Variants in STK39 observed in about 807,000 individuals in gnomAD.
The protein encoded by STK39 is serine/threonine kinase 39, also known as STE20/SPS1-related proline-alanine-rich protein kinase.
A neutral mutation model predicts 77.8 loss-of-function variants in STK39; 20 were observed. That is an observed-to-expected ratio of 0.26 (90% CI 0.18 to 0.37). STK39 has a LOEUF of 0.37. Ranked by LOEUF, STK39 falls within the 10% of genes least tolerant of loss-of-function variation. The pLI is 1.00. For missense variants in STK39, 479 were observed against 656.5 expected (o/e 0.73, Z 2.95); for synonymous variants, 246 against 234.1 (o/e 1.05, Z -0.47).
In STK39 at chr2:167,955,050, A is replaced by G. The variant is rs1399795927; in HGVS notation, c.*446T>C. On this transcript the variant is annotated 3_prime_UTR_variant, in exon 18 of 18. Coordinates refer to ENST00000355999, the MANE Select transcript of STK39 (RefSeq NM_013233.3). ...CTAAATACAACATAAAAGAGGCAGT[A>G]TTGTCAGATGTACAATTAAAGTATT... 1 of 153,370 alleles carries G rather than the reference A, an allele frequency of 6.5e-6. No homozygotes were observed. Among genetic ancestry groups the G allele is most frequent in the East Asian group, 1.9e-4 (1 of 5,206 alleles). 9.5% of individuals were successfully genotyped at this position (153,370 alleles called of 1,614,324 possible).
chr2:168,070,715 G>A (rs1049593808), intron 12 of STK39, among the ~76,000 whole-genome samples: 1 of 151,412 alleles, frequency 6.6e-6, no homozygotes, highest in Non-Finnish European at 1.5e-5. Context: ...CTGTCCTTGC[G>A]ATAGTTTGCT....
intron 14 of STK39, among the ~76,000 whole-genome samples, chr2:168,017,302 T>C (rs1684437183): frequency 6.6e-6 from 1 of 151,604 alleles, no homozygotes; most frequent in South Asian, 2.1e-4. Flanking sequence ...TTACCTTATA[T>C]AAACATGCTT....
intron 10 of STK39, among the ~76,000 whole-genome samples, chr2:168,078,011 C>T (rs1304183022): frequency 6.6e-6 from 1 of 151,812 alleles, no homozygotes; most frequent in Non-Finnish European, 1.5e-5. Context: ...TTACATTGCT[C>T]TTGTTCTACT....
intron 16 of STK39, among the ~76,000 whole-genome samples, chr2:167,991,105 A>G (rs377466644): frequency 2.6e-5 from 4 of 152,314 alleles, no homozygotes; most frequent in African/African-American, 7.2e-5. Context: ...AGATACAAAC[A>G]CTTTTCAAAG....
At chr2:168,090,141 A>G (rs1686478219) in intron 10 of STK39, among the ~76,000 whole-genome samples, 1 of 152,248 alleles carries the variant, frequency 6.6e-6, no homozygotes, top group Admixed American at 6.5e-5. Flanking sequence ...ATTTGCTACA[A>G]AATTCCAAAG....
chr2:168,001,899 T>C (rs1199898442), intron 16 of STK39, among the ~76,000 whole-genome samples: 1 of 152,268 alleles, frequency 6.6e-6, no homozygotes, highest in Non-Finnish European at 1.5e-5. Context: ...CTAGGTTTCC[T>C]GCACCAAAGT....
intron 14 of STK39, among the ~76,000 whole-genome samples, chr2:168,037,133 G>A (rs553549373): frequency 1.3e-5 from 2 of 152,148 alleles, no homozygotes; most frequent in African/African-American, 2.4e-5. Flanking sequence ...TTTATTGGGC[G>A]TGGAAACCCT....
chr2:168,235,384 G>T (rs924275441), intron 1 of STK39, among the ~76,000 whole-genome samples: 3 of 151,690 alleles, frequency 2.0e-5, no homozygotes, highest in African/African-American at 7.3e-5. Context: ...CACCAACAAG[G>T]AAACAATGTG....
intron 10 of STK39, chr2:168,112,853 C>T (rs1225127244): frequency 2.6e-5 from 4 of 152,196 alleles, no homozygotes; most frequent in Non-Finnish European, 5.9e-5. Context: ...TCATTCATCC[C>T]AGGCCTCATC....
At chr2:168,170,684 A>T (rs759500321) in intron 2 of STK39, among the ~76,000 whole-genome samples, 1 of 152,100 alleles carries the variant, frequency 6.6e-6, no homozygotes, top group South Asian at 2.1e-4. Flanking sequence ...AGGTTGGGGG[A>T]TGTGAGAGGA....
At chr2:168,093,748 C>G (rs140652864) in intron 10 of STK39, among the ~76,000 whole-genome samples, 2 of 152,310 alleles carry the variant, frequency 1.3e-5, no homozygotes, top group African/African-American at 4.8e-5. Context: ...CCACAACACA[C>G]TGCCACACTG....
At chr2:168,093,561 G>C (rs1686583251) in intron 10 of STK39, among the ~76,000 whole-genome samples, 1 of 152,208 alleles carries the variant, frequency 6.6e-6, no homozygotes, top group Non-Finnish European at 1.5e-5. Context: ...TTCAAGATGA[G>C]ATTTGGGTGG....
intron 1 of STK39, among the ~76,000 whole-genome samples, chr2:168,218,064 C>G (rs1690070670): frequency 6.6e-6 from 1 of 152,106 alleles, no homozygotes; most frequent in Non-Finnish European, 1.5e-5. Flanking sequence ...CTTTTAACAC[C>G]ATGTCATCAT....
At chr2:168,004,853 C>T (rs1684086584) in intron 16 of STK39, among the ~76,000 whole-genome samples, 2 of 151,946 alleles carry the variant, frequency 1.3e-5, no homozygotes, top group Non-Finnish European at 1.5e-5. Context: ...GCCCAAAAGA[C>T]AGCTGATGCT....
At chr2:167,967,413 C>T (rs1243631919) in intron 16 of STK39, among the ~76,000 whole-genome samples, 2 of 152,164 alleles carry the variant, frequency 1.3e-5, no homozygotes, top group Non-Finnish European at 2.9e-5. Context: ...CCGCCTGTCC[C>T]TACAGGGTAT....
intron 7 of STK39, 117 bp downstream of exon 7, chr2:168,140,172 T>C: frequency 2.3e-6 from 2 of 865,956 alleles, no homozygotes; most frequent in African/African-American, 1.7e-5. Flanking sequence ...CTTGGCTGCG[T>C]TCCTCCATTA....
intron 14 of STK39, among the ~76,000 whole-genome samples, chr2:168,040,201 A>AAT (rs372681832): frequency 0.02 from 3,079 of 151,416 alleles, 108 homozygotes; most frequent in African/African-American, 0.07. Flanking sequence ...ACTGTTGCTC[A>AAT]ATATATATAT....
chr2:168,006,721 G>A (rs6725853), intron 16 of STK39, among the ~76,000 whole-genome samples: 4,007 of 152,134 alleles, frequency 0.026, 159 homozygotes, highest in African/African-American at 0.091. Flanking sequence ...TCTTATCAAC[G>A]GCTATTTACA....
intron 16 of STK39, among the ~76,000 whole-genome samples, chr2:167,971,164 T>A (rs4667987): frequency 0.33 from 49,842 of 151,932 alleles, 9,034 homozygotes; most frequent in Non-Finnish European, 0.41. Flanking sequence ...GTGGGTAAGT[T>A]CTCTCTCAGA....
Sources: gnomAD v4.1 joint callset for allele counts (sites outside exome capture counted in the v4.1 genomes callset) on GRCh38, gnomAD v4.1.1 for gene constraint, MANE v1.5 for transcripts, NCBI Gene and HGNC (gene_info 2026-07-23, HGNC 2026-07-21) for gene names.